The following HSPA1L variants were observed in gnomAD, a reference collection of about 807,000 sequenced individuals.
HSPA1L encodes heat shock protein family A (Hsp70) member 1 like, also known as heat shock 70 kDa protein 1-like.
Under a neutral mutation model 31.5 loss-of-function variants are expected in HSPA1L, and 21 were observed. The observed-to-expected ratio is 0.67, with a 90% CI of 0.47 to 0.96. HSPA1L has a LOEUF of 0.96. Ranked by LOEUF, HSPA1L falls within the 40% of genes least tolerant of loss-of-function variation. The pLI is 0.00. For missense variants in HSPA1L, 709 were observed against 813.4 expected (o/e 0.87, Z 1.56); for synonymous variants, 293 against 323.1 (o/e 0.91, Z 1.00).
chr6:31,811,816 T>C lies in HSPA1L; in HGVS notation c.157A>G (p.Ile53Val). ...ACCTGGTTCTTGGCCGCATCCCCAA[T>C]GAGCCGCTCGGTGTCTGTGAAGGCC... is the stretch of plus-strand genomic sequence containing the variant. ...YVAFTDTERL[I>V]GDAAKNQVAM... Residue 53 changes from isoleucine (I) to valine (V), a missense_variant, in exon 2 of 2, where the codon ATT (isoleucine) becomes GTT (valine). By Grantham distance (29) the Ile-to-Val change is conservative. Transcript: ENST00000375654. The C allele has an allele frequency of 6.2e-7, 1 of 1,614,128 alleles. No individual in the cohort carries two copies. Among genetic ancestry groups the C allele is most frequent in the Non-Finnish European group, 8.5e-7 (1 of 1,179,992 alleles).
intron 1 of HSPA1L, among the ~76,000 whole-genome samples, chr6:31,812,420 G>A (rs1025749738): frequency 1.3e-4 from 20 of 151,806 alleles, no homozygotes; most frequent in South Asian, 4.2e-4. Context: ...TGATCCGCCC[G>A]CCTCGGCCTC....
At position 31,815,145 on chromosome 6, in the gene HSPA1L, C is replaced by T. The variant is rs1815804812; in HGVS notation, c.-270G>A. ...ACGCCCCCACCCTCCCCTGGACGCG[C>T]GTAACCCGCTCCCCGCACCAGCCCC... On this transcript the variant is annotated 5_prime_UTR_variant, in exon 1 of 2. Transcript: ENST00000375654. The T allele has an allele frequency of 4.6e-6, 2 of 438,264 alleles. No homozygotes were observed. The highest frequency in any genetic ancestry group is 6.2e-6 in the Non-Finnish European group (2 of 320,270). 27.1% of individuals were successfully genotyped at this position (438,264 alleles called of 1,614,324 possible). A position where few individuals can be genotyped will look rare whatever the true frequency, so the allele number is the denominator to read the frequency against.
In HSPA1L at chr6:31,813,621, C is replaced by T. The variant is rs34791928; in HGVS notation, c.-14+1268G>A. On this transcript the variant is annotated intron_variant, in intron 1 of 1. Transcript: ENST00000375654. Reference sequence around the variant, plus strand: ...CCGCACCCGGCCTATATACATTTTGCTTATCTATCTCTCGATGGATACAGA... The same window carrying T: ...CCGCACCCGGCCTATATACATTTTGTTTATCTATCTCTCGATGGATACAGA... 1.6e-3 allele frequency among the ~76,000 whole-genome samples: 251 copies of T among 152,248 alleles called. 4 individuals carry two copies. The East Asian group carries it at 0.039, about 23-fold the overall frequency.
rs1417683629 is a variant in HSPA1L at position 31,811,952 on chromosome 6, G to A, written c.21C>T (p.Ile7=). Residue 7 remains isoleucine, a synonymous_variant, in exon 2 of 2, where the codon ATC becomes ATT. Transcript: ENST00000375654. ...TGGTGCCCAGGTCGATGCCTATGGC[G>A]ATTCCCTTGGCAGTAGCCATGGTTC... MATAKG[I]AIGIDLGTTY... The A allele has an allele frequency of 1.5e-5, 25 of 1,614,026 alleles. No homozygotes were observed. The East Asian group carries it at 4.0e-4, about 26-fold the overall frequency.
In HSPA1L at chr6:31,815,118, A is replaced by C; in HGVS notation, c.-243T>G. 1 of 657,028 alleles carries C rather than the reference A, an allele frequency of 1.5e-6. No individual in the cohort carries two copies. Among genetic ancestry groups the C allele is most frequent in the Non-Finnish European group, 1.9e-6 (1 of 523,624 alleles). 40.7% of individuals were successfully genotyped at this position (657,028 alleles called of 1,614,324 possible). On this transcript the variant is annotated 5_prime_UTR_variant, in exon 1 of 2. Transcript: ENST00000375654. ...TAACGTGGCCGGGCGGTGTCAACACAAACGCCCCCACCCTCCCCTGGACGC... is the reference window on the plus strand; with the variant it reads ...TAACGTGGCCGGGCGGTGTCAACACCAACGCCCCCACCCTCCCCTGGACGC...
At position 31,815,032 on chromosome 6, in the gene HSPA1L, G is replaced by A. The variant is rs928828805; in HGVS notation, c.-157C>T. ...CGTCCCTCCCTGCAAATTTGAGACG[G>A]CTCCAACTCAGTAATCTTTTTCCAA... On this transcript the variant is annotated 5_prime_UTR_variant, in exon 1 of 2. Coordinates refer to ENST00000375654, the MANE Select transcript of HSPA1L (RefSeq NM_005527.4). 123 of 966,170 alleles carry A rather than the reference G, an allele frequency of 1.3e-4. No individual in the cohort carries two copies. Among genetic ancestry groups the A allele is most frequent in the Non-Finnish European group, 1.4e-4 (113 of 821,996 alleles). The allele number at this position is 966,170 out of a possible 1,614,324, so 59.8% of individuals were successfully genotyped here. A position where few individuals can be genotyped will look rare whatever the true frequency, so the allele number is the denominator to read the frequency against.
In HSPA1L at chr6:31,811,914, A is replaced by G. The variant is rs1815451496; in HGVS notation, c.59T>C (p.Val20Ala). 1 of 1,613,876 alleles carries G rather than the reference A, an allele frequency of 6.2e-7. No individual in the cohort carries two copies. Residue 20 changes from valine (V) to alanine (A), a missense_variant, in exon 2 of 2, where the codon GTG becomes GCG. By Grantham distance (64) the Val-to-Ala change is moderately conservative. Transcript: ENST00000375654. ...CACCTTGCCGTGCTGGAACACCCCCACACAGGAGTAGGTGGTGCCCAGGTC... is the reference window on the plus strand; with the variant it reads ...CACCTTGCCGTGCTGGAACACCCCCGCACAGGAGTAGGTGGTGCCCAGGTC... The part of the protein sequence containing the change: ...GIDLGTTYSC[V>A]GVFQHGKVEI...
chr6:31,810,533 A>T lies in HSPA1L; in HGVS notation c.1440T>A (p.Phe480Leu), dbSNP rs1485804840. The T allele has an allele frequency of 6.2e-7, 1 of 1,613,236 alleles. No homozygotes were observed. The highest frequency in any genetic ancestry group is 1.1e-5 in the South Asian group (1 of 90,994). Residue 480 changes from phenylalanine (F) to leucine (L), a missense_variant, in exon 2 of 2, where the codon TTT (phenylalanine) becomes TTA (leucine). Coordinates refer to ENST00000375654, the MANE Select transcript of HSPA1L (RefSeq NM_005527.4). ...TGAGAATACCATTGGCATCAATGTC[A>T]AACGTCACCTCGATCTGAGGAACTC... ...PRGVPQIEVTFDIDANGILNV... is the reference protein window; with the variant it reads ...PRGVPQIEVTLDIDANGILNV...
chr6:31,810,823 C>T lies in HSPA1L; in HGVS notation c.1150G>A (p.Gly384Arg), dbSNP rs146199357. The change falls in exon 2 of 2, where the codon GGG becomes AGG. Residue 384 changes from glycine (G) to arginine (R), a missense_variant. Transcript: ENST00000375654. ...GAAVQAAILM[G>R]DKSEKVQDLL... is the part of the protein sequence containing the mutation. ...TCCTGTACCTTCTCAGACTTGTCCCCCATCAGGATGGCTGCTTGTACCGCA... is the reference window on the plus strand; with the variant it reads ...TCCTGTACCTTCTCAGACTTGTCCCTCATCAGGATGGCTGCTTGTACCGCA... The T allele has an allele frequency of 2.7e-5, 43 of 1,614,022 alleles. No individual in the cohort carries two copies. Among genetic ancestry groups the T allele is most frequent in the Non-Finnish European group, 3.6e-5 (42 of 1,180,032 alleles).
chr6:31,810,751 C>A lies in HSPA1L; in HGVS notation c.1222G>T (p.Ala408Ser). 1 of 1,614,060 alleles carries A rather than the reference C, an allele frequency of 6.2e-7. No individual in the cohort carries two copies. The highest frequency in any genetic ancestry group is 1.7e-5 in the Admixed American group (1 of 60,004). ...ATCAGGGCAGTCATCACGCCCCCAG[C>A]CGTCTCCAGCCCCAGGGACAGGGGA... The part of the protein sequence containing the change: ...VAPLSLGLET[A>S]GGVMTALIKR... Residue 408 changes from alanine to serine, a missense_variant, in exon 2 of 2, where the codon GCT becomes TCT. Coordinates refer to ENST00000375654, the MANE Select transcript of HSPA1L (RefSeq NM_005527.4).
chr6:31,814,486 G>A (rs1482212561), intron 1 of HSPA1L, among the ~76,000 whole-genome samples: 1 of 150,082 alleles, frequency 6.7e-6, no homozygotes, highest in Non-Finnish European at 1.5e-5. Context: ...TCCACCCTGG[G>A]CGACAGAGCG....
chr6:31,812,623 A>G (rs531089989), intron 1 of HSPA1L, among the ~76,000 whole-genome samples: 1 of 152,170 alleles, frequency 6.6e-6, no homozygotes, highest in South Asian at 2.1e-4. Flanking sequence ...CGCCCAGCCT[A>G]TTTTTTATTT....
intron 1 of HSPA1L, among the ~76,000 whole-genome samples, chr6:31,812,630 A>G (rs1447656080): frequency 6.6e-6 from 1 of 151,970 alleles, no homozygotes; most frequent in Non-Finnish European, 1.5e-5. Context: ...CCTATTTTTT[A>G]TTTTTTATTG....
rs34620296 is a variant in HSPA1L, at chr6:31,811,171, C to T, written c.802G>A (p.Ala268Thr). 4,753 of 1,614,152 alleles carry T rather than the reference C, an allele frequency of 2.9e-3. 37 individuals carry two copies. Among genetic ancestry groups the T allele is most frequent in the South Asian group, 0.023 (2,059 of 91,072 alleles). The part of the protein sequence containing the change: ...NKRAVRRLRT[A>T]CERAKRTLSS... Reference sequence around the variant, plus strand: ...AGGGTCCTCTTGGCCCTCTCGCAGGCGGTGCGCAGCCGCCTCACGGCTCGC... The same window carrying T: ...AGGGTCCTCTTGGCCCTCTCGCAGGTGGTGCGCAGCCGCCTCACGGCTCGC... The change falls in exon 2 of 2, where the codon GCC (alanine) becomes ACC (threonine). Residue 268 changes from alanine to threonine, a missense_variant. Physicochemically the swap from Ala to Thr is moderately conservative, Grantham distance 58. Coordinates refer to ENST00000375654, the MANE Select transcript of HSPA1L (RefSeq NM_005527.4).
In HSPA1L at chr6:31,811,623, T is replaced by C. The variant is rs1345541682; in HGVS notation, c.350A>G (p.Tyr117Cys). ...VSYKGENKAF[Y>C]PEEISSMVLT... ...TACCATCGAAGAGATTTCCTCAGGGTAGAAAGCTTTATTCTCCCCTTTGTA... is the reference window on the plus strand; with the variant it reads ...TACCATCGAAGAGATTTCCTCAGGGCAGAAAGCTTTATTCTCCCCTTTGTA... The change falls in exon 2 of 2, where the codon TAC (tyrosine) becomes TGC (cysteine). Residue 117 changes from tyrosine to cysteine, a missense_variant. Tyr to Cys is a radical substitution (Grantham distance 194, BLOSUM62 -2). Coordinates refer to ENST00000375654, the MANE Select transcript of HSPA1L (RefSeq NM_005527.4). 12 of 1,614,194 alleles carry C rather than the reference T, an allele frequency of 7.4e-6. 1 individual carries two copies. In the South Asian group the frequency reaches 8.8e-5, roughly 12 times the overall value.
chr6:31,810,942 C>G lies in HSPA1L; in HGVS notation c.1031G>C (p.Arg344Pro), dbSNP rs375290879. The G allele has an allele frequency of 6.2e-7, 1 of 1,614,124 alleles. No individual in the cohort carries two copies. Reference sequence around the variant, plus strand: ...AAGCAGCCGCTGCACCTTGGGGATGCGGGTGGAGCCCCCTACTAAAACAAT... The same window carrying G: ...AAGCAGCCGCTGCACCTTGGGGATGGGGGTGGAGCCCCCTACTAAAACAAT... ...HDIVLVGGST[R>P]IPKVQRLLQD... The change falls in exon 2 of 2, where the codon CGC becomes CCC. Residue 344 changes from arginine to proline, a missense_variant. By Grantham distance (103) the Arg-to-Pro change is moderately radical. Transcript: ENST00000375654.
chr6:31,814,524 ATT>A (rs1490223731), intron 1 of HSPA1L, among the ~76,000 whole-genome samples: 7 of 145,888 alleles, frequency 4.8e-5, no homozygotes, highest in African/African-American at 1.8e-4. Flanking sequence ...AAAAAAAAAA[ATT>A]AAAAATAAAT....
chr6:31,813,391 C>T (rs1021223626), intron 1 of HSPA1L, among the ~76,000 whole-genome samples: 50 of 152,208 alleles, frequency 3.3e-4, no homozygotes, highest in African/African-American at 1.2e-3. Context: ...GCAACCTCCA[C>T]CTCCTGGGTT....
rs746861272 is a variant in HSPA1L, at chr6:31,810,835, C to G, written c.1138G>C (p.Ala380Pro). ...TCAGACTTGTCCCCCATCAGGATGG[C>G]TGCTTGTACCGCAGCCCCATATGCT... ...AVAYGAAVQA[A>P]ILMGDKSEKV... is the part of the protein sequence containing the mutation. Residue 380 changes from alanine to proline, a missense_variant, in exon 2 of 2, where the codon GCC becomes CCC. By Grantham distance (27) the Ala-to-Pro change is conservative. Transcript: ENST00000375654. 6.2e-7 allele frequency: 1 copy of G among 1,614,168 alleles called. No individual in the cohort carries two copies.
Sources: gnomAD v4.1 joint callset for allele counts (sites outside exome capture counted in the v4.1 genomes callset) on GRCh38, gnomAD v4.1.1 for gene constraint, MANE v1.5 for transcripts, NCBI Gene and HGNC (gene_info 2026-07-23, HGNC 2026-07-21) for gene names.